The following TIMM13 variants were observed in gnomAD, a reference collection of about 807,000 sequenced individuals.
The protein encoded by TIMM13 is translocase of inner mitochondrial membrane 13.
In TIMM13, 8 loss-of-function variants were observed where a neutral mutation model predicts 10.9. The observed-to-expected ratio is 0.73, with a 90% CI of 0.43 to 1.32. TIMM13 has a LOEUF of 1.32. Ranked by LOEUF, TIMM13 falls within the 40% of genes most tolerant of loss-of-function variation. TIMM13 has a pLI of 0.01. For synonymous variants in TIMM13, 68 were observed against 52.5 expected (o/e 1.30, Z -1.28); for missense variants, 147 against 132.8 (o/e 1.11, Z -0.53).
rs1971635637 is a variant in TIMM13, at chr19:2,426,411, A to G, written c.*537T>C. On this transcript the variant is annotated 3_prime_UTR_variant, in exon 3 of 3. Transcript: ENST00000215570. ...CTTTGGGGCAGGGGTGGCAGCAGCA[A>G]CACATTCCTCGTGACTCAGCAGCCC... 3.0e-6 allele frequency: 1 copy of G among 335,038 alleles called. No individual in the cohort carries two copies. The highest frequency in any genetic ancestry group is 5.5e-6 in the Non-Finnish European group (1 of 181,512). 20.8% of individuals were successfully genotyped at this position (335,038 alleles called of 1,614,324 possible). A position where few individuals can be genotyped will look rare whatever the true frequency, so the allele number is the denominator to read the frequency against.
chr19:2,427,408 C>T lies in TIMM13; in HGVS notation c.120+6G>A. ...CCCCAGCGCCCGTCCCCGGCCAGCC[C>T]CGCACCTGCAGCAGCTCCTGCGCGT... On this transcript the variant is annotated splice_donor_region_variant and intron_variant, in intron 1 of 2. Coordinates refer to ENST00000215570, the MANE Select transcript of TIMM13 (RefSeq NM_012458.4). 6.2e-7 allele frequency: 1 copy of T among 1,612,526 alleles called. No homozygotes were observed. The highest frequency in any genetic ancestry group is 8.5e-7 in the Non-Finnish European group (1 of 1,179,582).
chr19:2,426,681 G>T lies in TIMM13; in HGVS notation c.*267C>A. 1 of 557,184 alleles carries T rather than the reference G, an allele frequency of 1.8e-6. No homozygotes were observed. Among genetic ancestry groups the T allele is most frequent in the Non-Finnish European group, 3.2e-6 (1 of 310,992 alleles). The allele number at this position is 557,184 out of a possible 1,614,324, so 34.5% of individuals were successfully genotyped here. ...TCCGCCCAGAATATGAGGCTGACTT[G>T]GGCACACTAGGGGAATACCCCAAAG... On this transcript the variant is annotated 3_prime_UTR_variant, in exon 3 of 3. Transcript: ENST00000215570.
Position 2,425,895 on chromosome 19 carries a change from C to T in TIMM13, c.*1053G>A, listed in dbSNP as rs200128315. On this transcript the variant is annotated 3_prime_UTR_variant, in exon 3 of 3. Transcript: ENST00000215570. The stretch of plus-strand genomic sequence containing the variant: ...AGGGCTGCTGTAGGGGAGGTACCGG[C>T]CTCTGAACCCCCTTTCTTCTCTCCC... 30 of 1,559,838 alleles carry T rather than the reference C, an allele frequency of 1.9e-5. No individual in the cohort carries two copies. Among genetic ancestry groups the T allele is most frequent in the Admixed American group, 1.3e-4 (6 of 47,654 alleles).
chr19:2,427,170 TC>T, intron 2 of TIMM13, 85 bp downstream of exon 2: 1 of 1,575,028 alleles, frequency 6.3e-7, no homozygotes, highest in Non-Finnish European at 8.6e-7. Flanking sequence ...CCGTCGCACC[TC>T]CCCGTTAGTC....
At position 2,426,832 on chromosome 19, in the gene TIMM13, G is replaced by C. The variant is rs954835222; in HGVS notation, c.*116C>G. On this transcript the variant is annotated 3_prime_UTR_variant, in exon 3 of 3. Coordinates refer to ENST00000215570, the MANE Select transcript of TIMM13 (RefSeq NM_012458.4). Reference sequence around the variant, plus strand: ...GGGTGGCGAGGACACAGTCCCGTGTGTCCCAGCACCGGTGCCACCCTCCTA... The same window carrying C: ...GGGTGGCGAGGACACAGTCCCGTGTCTCCCAGCACCGGTGCCACCCTCCTA... The C allele has an allele frequency of 1.1e-4, 112 of 1,037,238 alleles. No individual in the cohort carries two copies. The highest frequency in any genetic ancestry group is 1.5e-4 in the Non-Finnish European group (103 of 700,512). The allele number at this position is 1,037,238 out of a possible 1,614,324, so 64.3% of individuals were successfully genotyped here.
At position 2,426,034 on chromosome 19, in the gene TIMM13, C is replaced by G; in HGVS notation, c.*914G>C. On this transcript the variant is annotated 3_prime_UTR_variant, in exon 3 of 3. Coordinates refer to ENST00000215570, the MANE Select transcript of TIMM13 (RefSeq NM_012458.4). The stretch of plus-strand genomic sequence containing the variant: ...GTGGCCGGCCCCACTTCCCAGGTGT[C>G]TATACCCGGGTGGCAGCTGTGAGAG... The G allele has an allele frequency of 1.9e-6, 3 of 1,609,242 alleles. 1 individual carries two copies. The South Asian group carries it at 3.3e-5, about 18-fold the overall frequency.
chr19:2,426,252 C>T lies in TIMM13; in HGVS notation c.*696G>A. The T allele has an allele frequency of 7.9e-6, 3 of 377,646 alleles. No individual in the cohort carries two copies. Among genetic ancestry groups the T allele is most frequent in the Non-Finnish European group, 1.1e-5 (3 of 264,720 alleles). The allele number at this position is 377,646 out of a possible 1,614,324, so 23.4% of individuals were successfully genotyped here. ...CCCTTTGTTCCAATAAACACAGCCCCTCCACCCTAGCTCACTGGCTCAGCA... is the reference window on the plus strand; with the variant it reads ...CCCTTTGTTCCAATAAACACAGCCCTTCCACCCTAGCTCACTGGCTCAGCA... On this transcript the variant is annotated 3_prime_UTR_variant, in exon 3 of 3. Transcript: ENST00000215570.
chr19:2,425,812 G>GA lies in TIMM13; in HGVS notation c.*1135dup. ...GCATTGAGCCCATTTTCCAGATAGT[G>GA]AAAATGCGGCTCCCAGGGGAAGTCA... On this transcript the variant is annotated 3_prime_UTR_variant, in exon 3 of 3. Coordinates refer to ENST00000215570, the MANE Select transcript of TIMM13 (RefSeq NM_012458.4). The GA allele has an allele frequency of 7.1e-7, 1 of 1,406,446 alleles. No individual in the cohort carries two copies. Among genetic ancestry groups the GA allele is most frequent in the Admixed American group, 2.5e-5 (1 of 40,222 alleles). The allele number at this position is 1,406,446 out of a possible 1,614,324, so 87.1% of individuals were successfully genotyped here.
At position 2,426,458 on chromosome 19, in the gene TIMM13, G is replaced by A. The variant is rs549365711; in HGVS notation, c.*490C>T. 30 of 289,422 alleles carry A rather than the reference G, an allele frequency of 1.0e-4. No individual in the cohort carries two copies. Among genetic ancestry groups the A allele is most frequent in the African/African-American group, 5.9e-4 (26 of 44,220 alleles). 17.9% of individuals were successfully genotyped at this position (289,422 alleles called of 1,614,324 possible). Reference sequence around the variant, plus strand: ...GCCCGGTGGCACTAAGGGGAAAGATGGACTTCTCCCAACCCAGGGGAGGCT... The same window carrying A: ...GCCCGGTGGCACTAAGGGGAAAGATAGACTTCTCCCAACCCAGGGGAGGCT... On this transcript the variant is annotated 3_prime_UTR_variant, in exon 3 of 3. Transcript: ENST00000215570.
At position 2,426,886 on chromosome 19, in the gene TIMM13, G is replaced by A. The variant is rs1971651179; in HGVS notation, c.*62C>T. The A allele has an allele frequency of 2.7e-6, 4 of 1,501,782 alleles. No homozygotes were observed. Among genetic ancestry groups the A allele is most frequent in the Non-Finnish European group, 3.6e-6 (4 of 1,106,754 alleles). The allele number at this position is 1,501,782 out of a possible 1,614,324, so 93.0% of individuals were successfully genotyped here. On this transcript the variant is annotated 3_prime_UTR_variant, in exon 3 of 3. Coordinates refer to ENST00000215570, the MANE Select transcript of TIMM13 (RefSeq NM_012458.4). ...CCCGGGCAGGCAGTACGTACATGCG[G>A]ACCCCGCCTCTCAAAGCACGTTTAT...
chr19:2,426,522 C>CTCTT lies in TIMM13; in HGVS notation c.*422_*425dup. The stretch of plus-strand genomic sequence containing the variant: ...CTGGGGTTCCAGGGACACGCGTCAC[C>CTCTT]TCTTCCCAGAGACCCCTCAGGAGGG... On this transcript the variant is annotated 3_prime_UTR_variant, in exon 3 of 3. Coordinates refer to ENST00000215570, the MANE Select transcript of TIMM13 (RefSeq NM_012458.4). The CTCTT allele has an allele frequency of 1.4e-5, 4 of 291,908 alleles. No homozygotes were observed. The South Asian group carries it at 1.7e-4, about 13-fold the overall frequency. The allele number at this position is 291,908 out of a possible 1,614,324, so 18.1% of individuals were successfully genotyped here.
chr19:2,425,626 C>T lies in TIMM13; in HGVS notation c.*1322G>A, dbSNP rs915221619. 6 of 1,372,550 alleles carry T rather than the reference C, an allele frequency of 4.4e-6. No individual in the cohort carries two copies. The highest frequency in any genetic ancestry group is 5.6e-6 in the Non-Finnish European group (6 of 1,063,866). The allele number at this position is 1,372,550 out of a possible 1,614,324, so 85.0% of individuals were successfully genotyped here. On this transcript the variant is annotated 3_prime_UTR_variant, in exon 3 of 3. Coordinates refer to ENST00000215570, the MANE Select transcript of TIMM13 (RefSeq NM_012458.4). Reference sequence around the variant, plus strand: ...TTCTCCAGCGGATCAAGCAGGGAGCCTTTTTGGCTCTGGAGGAATTTCCAC... The same window carrying T: ...TTCTCCAGCGGATCAAGCAGGGAGCTTTTTTGGCTCTGGAGGAATTTCCAC...
rs78609089 is a variant in TIMM13, at chr19:2,426,210, G to A, written c.*738C>T. 7 of 1,154,866 alleles carry A rather than the reference G, an allele frequency of 6.1e-6. No homozygotes were observed. The highest frequency in any genetic ancestry group is 3.2e-5 in the Admixed American group (1 of 30,902). 71.5% of individuals were successfully genotyped at this position (1,154,866 alleles called of 1,614,324 possible). On this transcript the variant is annotated 3_prime_UTR_variant, in exon 3 of 3. Coordinates refer to ENST00000215570, the MANE Select transcript of TIMM13 (RefSeq NM_012458.4). ...GTGTGGGGGGGCTGTGGGTCATGGG[G>A]ATGCATTTTGGTACCACCCTTTGTT...
Position 2,427,326 on chromosome 19 carries a change from T to C in TIMM13, c.121-2A>G. On this transcript the variant is annotated splice_acceptor_variant, in intron 1 of 2. Coordinates refer to ENST00000215570, the MANE Select transcript of TIMM13 (RefSeq NM_012458.4). LOFTEE classifies it high-confidence loss of function. ...CCGGAAACACTTGTCCGTCATCCTC[T>C]GTGGAGACACGCGAGGCTTTAGCCG... The C allele has an allele frequency of 6.2e-7, 1 of 1,613,318 alleles. No homozygotes were observed. The highest frequency in any genetic ancestry group is 8.5e-7 in the Non-Finnish European group (1 of 1,179,790).
Position 2,427,396 on chromosome 19 carries a change from C to T in TIMM13, c.120+18G>A, listed in dbSNP as rs771230646. 1 of 1,612,010 alleles carries T rather than the reference C, an allele frequency of 6.2e-7. No individual in the cohort carries two copies. Among genetic ancestry groups the T allele is most frequent in the Admixed American group, 1.7e-5 (1 of 59,946 alleles). On this transcript the variant is annotated intron_variant, in intron 1 of 2. Transcript: ENST00000215570. ...TGGCCCTGTCGCCCCCAGCGCCCGT[C>T]CCCGGCCAGCCCCGCACCTGCAGCA...
At position 2,425,707 on chromosome 19, in the gene TIMM13, G is replaced by A; in HGVS notation, c.*1241C>T. 8.4e-7 allele frequency: 1 copy of A among 1,190,374 alleles called. No homozygotes were observed. The highest frequency in any genetic ancestry group is 1.7e-5 in the South Asian group (1 of 57,340). The allele number at this position is 1,190,374 out of a possible 1,614,324, so 73.7% of individuals were successfully genotyped here. On this transcript the variant is annotated 3_prime_UTR_variant, in exon 3 of 3. Coordinates refer to ENST00000215570, the MANE Select transcript of TIMM13 (RefSeq NM_012458.4). ...ATCCCATCCCCGGGCCTCGGCGGCA[G>A]AGCAGGCAGAGGCTGCAGTGGGAGG...
In TIMM13 at chr19:2,425,988, T is replaced by C. The variant is rs1017908656; in HGVS notation, c.*960A>G. ...TCTGGACGGTGGGTGCTAACTGGGG[T>C]CACTAGCTGGGGCTATGGCTGTGGC... On this transcript the variant is annotated 3_prime_UTR_variant, in exon 3 of 3. Coordinates refer to ENST00000215570, the MANE Select transcript of TIMM13 (RefSeq NM_012458.4). 6.8e-6 allele frequency: 11 copies of C among 1,606,208 alleles called. No individual in the cohort carries two copies. Among genetic ancestry groups the C allele is most frequent in the Admixed American group, 1.7e-5 (1 of 58,000 alleles).
At position 2,426,202 on chromosome 19, in the gene TIMM13, G is replaced by A. The variant is rs1290585611; in HGVS notation, c.*746C>T. The A allele has an allele frequency of 5.2e-6, 7 of 1,356,278 alleles. No individual in the cohort carries two copies. Among genetic ancestry groups the A allele is most frequent in the Middle Eastern group, 2.4e-4 (1 of 4,204 alleles). The allele number at this position is 1,356,278 out of a possible 1,614,324, so 84.0% of individuals were successfully genotyped here. ...AAGGACGGGTGTGGGGGGGCTGTGGGTCATGGGGATGCATTTTGGTACCAC... is the reference window on the plus strand; with the variant it reads ...AAGGACGGGTGTGGGGGGGCTGTGGATCATGGGGATGCATTTTGGTACCAC... On this transcript the variant is annotated 3_prime_UTR_variant, in exon 3 of 3. Transcript: ENST00000215570.
chr19:2,426,987 G>T lies in TIMM13; in HGVS notation c.249C>A (p.Ala83=). The T allele has an allele frequency of 6.2e-7, 1 of 1,606,810 alleles. No homozygotes were observed. Residue 83 remains alanine, a synonymous_variant, in exon 3 of 3, where the codon GCC becomes GCA. Coordinates refer to ENST00000215570, the MANE Select transcript of TIMM13 (RefSeq NM_012458.4). ...YMDAWNTVSR[A]YNSRLQRERA... ...GTTCCCGCTGCAGCCGCGAGTTGTA[G>T]GCGCGAGACACGGTGTTCCAGGCGT...
Sources: allele counts gnomAD v4.1 joint callset, GRCh38; gene constraint gnomAD v4.1.1; transcripts MANE v1.5; gene names NCBI Gene and HGNC (gene_info 2026-07-23, HGNC 2026-07-21).